Variants in CDCA3 observed in about 807,000 individuals in gnomAD.
The protein encoded by CDCA3 is cell division cycle associated 3.
A neutral mutation model predicts 29.1 loss-of-function variants in CDCA3; 16 were observed. The observed-to-expected ratio is 0.55, with a 90% CI of 0.37 to 0.83. The LOEUF is 0.83. Ranked by LOEUF, CDCA3 falls within the 40% of genes least tolerant of loss-of-function variation. The pLI is 0.00. For synonymous variants in CDCA3, 88 were observed against 124.5 expected, an observed-to-expected ratio of 0.71 and a Z score of 1.95; for missense variants, 291 against 327.2, an observed-to-expected ratio of 0.89 and a Z score of 0.85.
At position 6,850,161 on chromosome 12, in the gene CDCA3, T is replaced by TTGTGTGTGTG. The variant is rs3032790; in HGVS notation, c.250+296_251-304dup. The TTGTGTGTGTG allele has an allele frequency of 4.7e-6, 2 of 429,648 alleles. No homozygotes were observed. Among genetic ancestry groups the TTGTGTGTGTG allele is most frequent in the South Asian group, 3.5e-5 (1 of 28,700 alleles). 26.6% of individuals were successfully genotyped at this position (429,648 alleles called of 1,614,324 possible). A position where few individuals can be genotyped will look rare whatever the true frequency, so the allele number is the denominator to read the frequency against. ...ATCACAGGCCCATGCCACCGTGCTT[T>TTGTGTGTGTG]TGTGTGTGTGTGTGTGTGTTATGTG... On this transcript the variant is annotated intron_variant, in intron 3 of 5. Transcript: ENST00000538862. This position sits in a 1 kb window ranked among gnomAD's most constrained non-coding sequence, Gnocchi z 4.7.
Position 6,849,192 on chromosome 12 carries a change from G to A in CDCA3, c.658C>T (p.Arg220Trp), listed in dbSNP as rs148172476. 280 of 1,613,964 alleles carry A rather than the reference G, an allele frequency of 1.7e-4. No individual in the cohort carries two copies. The highest frequency in any genetic ancestry group is 2.2e-4 in the Non-Finnish European group (264 of 1,179,976). Residue 220 changes from arginine to tryptophan, a missense_variant, in exon 6 of 6, where the codon CGG becomes TGG. Physicochemically the swap from Arg to Trp is moderately radical, Grantham distance 101 (BLOSUM62 -3). Coordinates refer to ENST00000538862, the MANE Select transcript of CDCA3 (RefSeq NM_031299.7). This position sits in a 1 kb window ranked among gnomAD's most constrained non-coding sequence, Gnocchi z 5.2. ...PGTLTLRQGK[R>W]PSPLSENVSE... Reference sequence around the variant, plus strand: ...ACATTTTCACTTAGGGGTGAAGGCCGCTTACCCTGAAAACGGCAGTGTATG... The same window carrying A: ...ACATTTTCACTTAGGGGTGAAGGCCACTTACCCTGAAAACGGCAGTGTATG...
chr12:6,845,158 TAG>T (rs1389099527), downstream of CDCA3: 2 of 165,218 alleles, frequency 1.2e-5, no homozygotes, highest in Non-Finnish European at 2.6e-5. Context: ...CAGTTTTCTG[TAG>T]ACTCTCCCTC....
At chr12:6,846,950 T>G (rs781879883), downstream of CDCA3, 8 of 993,190 alleles carry the variant, frequency 8.1e-6, no homozygotes, top group Admixed American at 6.0e-5. Context: ...AGCAGCCCCC[T>G]GCCCGACCCC....
At chr12:6,846,949 C>A, downstream of CDCA3, 1 of 993,282 alleles carries the variant, frequency 1.0e-6, no homozygotes, top group South Asian at 1.4e-5. Flanking sequence ...CAGCAGCCCC[C>A]TGCCCGACCC....
Position 6,848,959 on chromosome 12 carries a change from C to A in CDCA3, c.*84G>T. On this transcript the variant is annotated 3_prime_UTR_variant, in exon 6 of 6. Transcript: ENST00000538862. ...AGGAGTCTAAGAAAACAAGCCATTC[C>A]TCAGTATCCCTGGGAAAGAAGGGGT... The A allele has an allele frequency of 1.5e-6, 1 of 685,146 alleles. No individual in the cohort carries two copies. The highest frequency in any genetic ancestry group is 2.7e-6 in the Non-Finnish European group (1 of 373,252). The allele number at this position is 685,146 out of a possible 1,614,324, so 42.4% of individuals were successfully genotyped here.
At position 6,850,717 on chromosome 12, in the gene CDCA3, T is replaced by C. The variant is rs1452462176; in HGVS notation, c.120+116A>G. On this transcript the variant is annotated intron_variant, in intron 2 of 5. Transcript: ENST00000538862. The surrounding 1 kb of genome is among the most constrained non-coding windows in gnomAD (Gnocchi z 4.7). ...CCAGCCTACCCCACACAGATTGAGA[T>C]TGCAGAAAATAAGGCTAGGATAAGG... The C allele has an allele frequency of 7.1e-5, 111 of 1,573,714 alleles. No homozygotes were observed. The highest frequency in any genetic ancestry group is 9.5e-5 in the Non-Finnish European group (109 of 1,153,046).
downstream of CDCA3, chr12:6,845,371 G>A (rs782193020): frequency 1.4e-5 from 8 of 563,738 alleles, no homozygotes; most frequent in Admixed American, 3.0e-5. Flanking sequence ...TGCCTGCAGC[G>A]CTGTATAGTG....
chr12:6,846,432 G>A (rs781879995), downstream of CDCA3: 285 of 194,560 alleles, frequency 1.5e-3, no homozygotes, highest in African/African-American at 6.2e-3. Context: ...AGGTGCCCTC[G>A]GGTTTTTTCA....
In CDCA3 at chr12:6,849,208, G is replaced by T. The variant is rs1555125575; in HGVS notation, c.652-10C>A. The T allele has an allele frequency of 6.2e-7, 1 of 1,614,096 alleles. No homozygotes were observed. Among genetic ancestry groups the T allele is most frequent in the Admixed American group, 1.7e-5 (1 of 60,014 alleles). On this transcript the variant is annotated splice_polypyrimidine_tract_variant and intron_variant, in intron 5 of 5. Transcript: ENST00000538862. The surrounding 1 kb of genome is among the most constrained non-coding windows in gnomAD (Gnocchi z 5.2). ...GTGAAGGCCGCTTACCCTGAAAACG[G>T]CAGTGTATGAGTTGGGGGGAGTTGC...
In CDCA3 at chr12:6,850,376, C is replaced by G; in HGVS notation, c.250+91G>C. On this transcript the variant is annotated intron_variant, in intron 3 of 5. Transcript: ENST00000538862. The surrounding 1 kb of genome is among the most constrained non-coding windows in gnomAD (Gnocchi z 4.7). ...GTCCGAAGCAGGAGGATAGAGGCCC[C>G]TTTAAGGAACCCTGAGAGAATGGCT... 8 of 1,542,870 alleles carry G rather than the reference C, an allele frequency of 5.2e-6. No individual in the cohort carries two copies. The highest frequency in any genetic ancestry group is 7.1e-6 in the Non-Finnish European group (8 of 1,126,052).
Position 6,850,722 on chromosome 12 carries a change from G to C in CDCA3, c.120+111C>G. ...CTACCCCACACAGATTGAGATTGCA[G>C]AAAATAAGGCTAGGATAAGGGTGGG... On this transcript the variant is annotated intron_variant, in intron 2 of 5. Coordinates refer to ENST00000538862, the MANE Select transcript of CDCA3 (RefSeq NM_031299.7). This position sits in a 1 kb window ranked among gnomAD's most constrained non-coding sequence, Gnocchi z 4.7. 1 of 1,573,692 alleles carries C rather than the reference G, an allele frequency of 6.4e-7. No homozygotes were observed. The highest frequency in any genetic ancestry group is 8.7e-7 in the Non-Finnish European group (1 of 1,153,558).
downstream of CDCA3, chr12:6,847,167 C>T: frequency 7.0e-6 from 3 of 427,610 alleles, no homozygotes; most frequent in East Asian, 3.9e-5. Context: ...CCTGCCCCTC[C>T]CCAGCCCTTT....
chr12:6,845,632 C>T, downstream of CDCA3: 2 of 1,613,716 alleles, frequency 1.2e-6, no homozygotes, highest in Non-Finnish European at 1.7e-6. Context: ...GATGACGCTT[C>T]CTGCCGCTTG....
chr12:6,851,105 TC>T, intron 1 of CDCA3, 96 bp from the exon 2 acceptor site: 1 of 1,417,062 alleles, frequency 7.1e-7, no homozygotes, highest in Non-Finnish European at 9.2e-7. Flanking sequence ...TGAAGAAACT[TC>T]CTGGCGAGGG....
chr12:6,849,216 T>A lies in CDCA3; in HGVS notation c.652-18A>T. On this transcript the variant is annotated intron_variant, in intron 5 of 5. Coordinates refer to ENST00000538862, the MANE Select transcript of CDCA3 (RefSeq NM_031299.7). This position sits in a 1 kb window ranked among gnomAD's most constrained non-coding sequence, Gnocchi z 5.2. ...CGCTTACCCTGAAAACGGCAGTGTATGAGTTGGGGGGAGTTGCTGTTCAGA... is the reference window on the plus strand; with the variant it reads ...CGCTTACCCTGAAAACGGCAGTGTAAGAGTTGGGGGGAGTTGCTGTTCAGA... 6.2e-7 allele frequency: 1 copy of A among 1,613,950 alleles called. No individual in the cohort carries two copies.
chr12:6,850,365 G>T lies in CDCA3; in HGVS notation c.250+102C>A. 1 of 1,448,856 alleles carries T rather than the reference G, an allele frequency of 6.9e-7. No homozygotes were observed. The highest frequency in any genetic ancestry group is 9.6e-7 in the Non-Finnish European group (1 of 1,046,340). The allele number at this position is 1,448,856 out of a possible 1,614,324, so 89.8% of individuals were successfully genotyped here. On this transcript the variant is annotated intron_variant, in intron 3 of 5. Transcript: ENST00000538862. The surrounding 1 kb of genome is among the most constrained non-coding windows in gnomAD (Gnocchi z 4.7). ...GAGTGAGATGGGTCCGAAGCAGGAG[G>T]ATAGAGGCCCCTTTAAGGAACCCTG...
chr12:6,851,080 C>T, intron 1 of CDCA3, 71 bp from the exon 2 acceptor site: 1 of 1,429,732 alleles, frequency 7.0e-7, no homozygotes, highest in Non-Finnish European at 9.1e-7. Flanking sequence ...ACCACCCTGT[C>T]TTCCCAGTTT....
chr12:6,851,165 T>C (rs953394537), intron 1 of CDCA3, 57 bp downstream of exon 1: 1 of 1,380,176 alleles, frequency 7.2e-7, no homozygotes, highest in Non-Finnish European at 9.3e-7. Flanking sequence ...ACAAAATGGC[T>C]CGTTCTGGGC....
chr12:6,849,111 C>T lies in CDCA3; in HGVS notation c.739G>A (p.Gly247Arg). The change falls in exon 6 of 6, where the codon GGA becomes AGA. Residue 247 changes from glycine to arginine, a missense_variant. Physicochemically the swap from Gly to Arg is moderately radical, Grantham distance 125 (BLOSUM62 -2). Transcript: ENST00000538862. The surrounding 1 kb of genome is among the most constrained non-coding windows in gnomAD (Gnocchi z 5.2). ...LGTGRLLKTG[G>R]RAWEQGQDHD... The stretch of plus-strand genomic sequence containing the variant: ...TCCTGGCCTTGCTCCCATGCTCGTC[C>T]TCCAGTTTTCAGAAGTCGTCCAGTT... 5 of 1,543,860 alleles carry T rather than the reference C, an allele frequency of 3.2e-6. No homozygotes were observed. Among genetic ancestry groups the T allele is most frequent in the Non-Finnish European group, 4.5e-6 (5 of 1,115,956 alleles).
Sources: allele counts gnomAD v4.1 joint callset, GRCh38; gene constraint gnomAD v4.1.1; non-coding constraint Gnocchi (gnomAD v3.1); transcripts MANE v1.5; gene names NCBI Gene and HGNC (gene_info 2026-07-23, HGNC 2026-07-21).